Variants in CREB3L1 observed in about 807,000 individuals in gnomAD.
The protein encoded by CREB3L1 is cAMP responsive element binding protein 3 like 1.
CREB3L1 carries 33 observed loss-of-function variants against 54.5 expected under a neutral mutation model. The ratio of observed to expected loss-of-function variants is 0.61; its 90% CI spans 0.46 to 0.81. CREB3L1 has a LOEUF of 0.81. Among genes scored for constraint, CREB3L1 ranks in the 30% least tolerant of loss-of-function variants. CREB3L1 has a pLI of 0.00. For synonymous variants in CREB3L1, 284 were observed against 286.4 expected (o/e 0.99, Z 0.08); for missense variants, 656 against 673.3 (o/e 0.97, Z 0.29).
chr11:46,317,956 G>T (rs189455720), intron 10 of CREB3L1, among the ~76,000 whole-genome samples: 1 of 152,354 alleles, frequency 6.6e-6, no homozygotes, highest in African/African-American at 2.4e-5. Context: ...GGTGGCTCAT[G>T]CCTGTAATCC....
At chr11:46,299,824 T>C (rs1939267462) in intron 1 of CREB3L1, 111 bp from the exon 2 acceptor site, 4 of 738,510 alleles carry the variant, frequency 5.4e-6, no homozygotes, top group Admixed American at 2.0e-5. Context: ...TAATGGGAGG[T>C]TGCAGGGACA....
intron 1 of CREB3L1, among the ~76,000 whole-genome samples, chr11:46,297,465 C>T (rs1007295596): frequency 4.3e-5 from 6 of 139,390 alleles, no homozygotes; most frequent in African/African-American, 1.3e-4. Flanking sequence ...GGGCAATTAC[C>T]GGACCGGGGA....
chr11:46,297,466 G>A (rs1019687651), intron 1 of CREB3L1, among the ~76,000 whole-genome samples: 13 of 149,466 alleles, frequency 8.7e-5, no homozygotes, highest in African/African-American at 2.9e-4. Flanking sequence ...GGCAATTACC[G>A]GACCGGGGAG....
At chr11:46,281,494 A>G (rs886829488) in intron 1 of CREB3L1, among the ~76,000 whole-genome samples, 1 of 152,148 alleles carries the variant, frequency 6.6e-6, no homozygotes, top group African/African-American at 2.4e-5. Flanking sequence ...GAGGAAGAAA[A>G]GGTCTGTTTT....
rs944459737 is a variant in CREB3L1 at position 46,317,274 on chromosome 11, T to A, written c.1132-87T>A. On this transcript the variant is annotated intron_variant, in intron 9 of 11. Coordinates refer to ENST00000621158, the MANE Select transcript of CREB3L1 (RefSeq NM_052854.4). Reference sequence around the variant, plus strand: ...GGGAAAACGCTAAGACTTTTGTGCCTGTTGGTTTGGGAGAGGAGGAGTGGG... The same window carrying A: ...GGGAAAACGCTAAGACTTTTGTGCCAGTTGGTTTGGGAGAGGAGGAGTGGG... The A allele has an allele frequency of 4.5e-6, 7 of 1,549,822 alleles. No homozygotes were observed. In the East Asian group the frequency reaches 1.6e-4, roughly 35 times the overall value.
intron 1 of CREB3L1, among the ~76,000 whole-genome samples, chr11:46,291,458 A>C (rs1015935442): frequency 1.3e-5 from 2 of 152,174 alleles, no homozygotes; most frequent in Admixed American, 1.3e-4. Context: ...ACTTGTCCAA[A>C]GCCTGCACAG....
intron 2 of CREB3L1, among the ~76,000 whole-genome samples, chr11:46,301,004 CAAAAAAAAAA>C (rs57840608): frequency 5.3e-5 from 2 of 37,664 alleles, no homozygotes; most frequent in Admixed American, 7.1e-4. Flanking sequence ...GACTCCATCT[CAAAAAAAAAA>C]AAAAAAAAAA....
intron 3 of CREB3L1, among the ~76,000 whole-genome samples, chr11:46,308,661 C>T (rs1044960159): frequency 2.6e-5 from 4 of 152,196 alleles, no homozygotes; most frequent in Non-Finnish European, 5.9e-5. Context: ...TGCTTCTAGC[C>T]CTGGGATTCC....
chr11:46,281,729 G>C (rs567300021), intron 1 of CREB3L1, among the ~76,000 whole-genome samples: 1 of 152,306 alleles, frequency 6.6e-6, no homozygotes, highest in South Asian at 2.1e-4. Context: ...CAGCCTTCGG[G>C]AGATTTAGGG....
intron 2 of CREB3L1, among the ~76,000 whole-genome samples, chr11:46,306,457 T>C (rs1939397947): frequency 1.3e-5 from 2 of 151,318 alleles, no homozygotes. Flanking sequence ...TGACTCATGA[T>C]GGCACCACTG....
chr11:46,317,753 G>A (rs1208316129), intron 10 of CREB3L1, among the ~76,000 whole-genome samples: 1 of 152,244 alleles, frequency 6.6e-6, no homozygotes, highest in African/African-American at 2.4e-5. Flanking sequence ...CAGGAGGTGG[G>A]TTTAGGGGAT....
rs77924634 is a variant in CREB3L1 at position 46,317,414 on chromosome 11, C to T, written c.1185C>T (p.Pro395=). 1.0e-3 allele frequency: 1,622 copies of T among 1,613,810 alleles called. 29 individuals are homozygous for T. The East Asian group carries it at 0.023, about 23-fold the overall frequency. The change falls in exon 10 of 12, where the codon CCC becomes CCT. Residue 395 remains proline (P), a synonymous_variant. Coordinates refer to ENST00000621158, the MANE Select transcript of CREB3L1 (RefSeq NM_052854.4). ...TGGGCTCCCTCGTGCCCTGCCTTCC[C>T]GAGTTCTCCTCCGGCTCCCAGACTG... The part of the protein sequence containing the change: ...LVLGSLVPCL[P]EFSSGSQTVK...
intron 1 of CREB3L1, among the ~76,000 whole-genome samples, chr11:46,283,462 G>C (rs892736596): frequency 3.3e-5 from 5 of 152,160 alleles, no homozygotes; most frequent in Non-Finnish European, 7.4e-5. Context: ...CCTGAGCATA[G>C]AACAGAAGTC....
At chr11:46,280,855 T>G (rs1474133560) in intron 1 of CREB3L1, among the ~76,000 whole-genome samples, 9 of 152,202 alleles carry the variant, frequency 5.9e-5, no homozygotes, top group Non-Finnish European at 1.3e-4. Context: ...ATGGCGTCTG[T>G]GTGCCTCTCA....
intron 10 of CREB3L1, among the ~76,000 whole-genome samples, chr11:46,320,039 C>G (rs568919176): frequency 6.6e-6 from 1 of 152,270 alleles, no homozygotes; most frequent in African/African-American, 2.4e-5. Flanking sequence ...ATTTAAACCT[C>G]TCATTTACAT....
chr11:46,316,718 G>A (rs775219163), intron 9 of CREB3L1, among the ~76,000 whole-genome samples: 1 of 152,172 alleles, frequency 6.6e-6, no homozygotes, highest in Non-Finnish European at 1.5e-5. Flanking sequence ...GGAGACTCAG[G>A]GAAGAACGGA....
chr11:46,279,134 A>G (rs889944660), intron 1 of CREB3L1, among the ~76,000 whole-genome samples: 1 of 152,138 alleles, frequency 6.6e-6, no homozygotes, highest in Non-Finnish European at 1.5e-5. Flanking sequence ...CCCCCTCTTC[A>G]GTGAACCACC....
chr11:46,290,417 G>A (rs766157617), intron 1 of CREB3L1, among the ~76,000 whole-genome samples: 4 of 152,064 alleles, frequency 2.6e-5, no homozygotes, highest in Non-Finnish European at 4.4e-5. Flanking sequence ...TTACCCATTG[G>A]CTGGGACAAG....
rs202230181 is a variant in CREB3L1, at chr11:46,305,706, G to A, written c.332-2110G>A. Among the ~76,000 whole-genome samples the A allele has an allele frequency of 2.5e-3, 186 of 74,860 alleles. 4 individuals carry two copies. Among genetic ancestry groups the A allele is most frequent in the African/African-American group, 0.016 (153 of 9,648 alleles). The allele number at this position is 74,860 out of a possible 152,430, so 49.1% of individuals were successfully genotyped here. A position where few individuals can be genotyped will look rare whatever the true frequency, so the allele number is the denominator to read the frequency against. ...TGTGTATATATGTGTGTGTGTGTGT[G>A]TGTGTGTGTGTGTGTGTGTGTGTGT... On this transcript the variant is annotated intron_variant, in intron 2 of 11. Coordinates refer to ENST00000621158, the MANE Select transcript of CREB3L1 (RefSeq NM_052854.4).
Sources: allele counts gnomAD v4.1 joint callset (sites outside exome capture counted in the v4.1 genomes callset), GRCh38; gene constraint gnomAD v4.1.1; transcripts MANE v1.5; gene names NCBI Gene and HGNC (gene_info 2026-07-23, HGNC 2026-07-21).